KLF12: variants seen among roughly 807,000 people sequenced by gnomAD.
KLF12 encodes the protein KLF transcription factor 12.
Under a neutral mutation model 37.8 loss-of-function variants are expected in KLF12, and 9 were observed. The ratio of observed to expected loss-of-function variants is 0.24; its 90% CI spans 0.14 to 0.42. The LOEUF (loss-of-function observed/expected upper bound fraction) is 0.42, where lower values mean the gene tolerates loss of function less well. KLF12 is among the 10% of genes least tolerant of loss of function. The probability of loss-of-function intolerance (pLI) is 1.00; values close to 1 mark genes in which losing one functional copy is unlikely to be tolerated. For missense variants in KLF12, 411 were observed against 516.0 expected (o/e 0.80, Z 1.97); for synonymous variants, 208 against 202.1 (o/e 1.03, Z -0.25).
intron 1 of KLF12, among the ~76,000 whole-genome samples, chr13:74,017,258 TAAAAAAAAAAAAAAAAAAAAAAA>T (rs56321692): frequency 2.2e-5 from 1 of 45,590 alleles, no homozygotes; most frequent in Non-Finnish European, 3.9e-5. Context: ...GCCCTCAACC[TAAAAAAAAAAAAAAAAAAAAAAA>T]AAAAAAAAAG....
At chr13:73,744,259 C>T (rs371271066) in intron 6 of KLF12, among the ~76,000 whole-genome samples, 2 of 152,258 alleles carry the variant, frequency 1.3e-5, no homozygotes, top group East Asian at 3.9e-4. Flanking sequence ...AGGGCTGTTG[C>T]AAAGTGGCTT....
At chr13:74,006,179 C>G (rs372347556) in intron 1 of KLF12, among the ~76,000 whole-genome samples, 26 of 152,200 alleles carry the variant, frequency 1.7e-4, no homozygotes, top group Non-Finnish European at 3.2e-4. Context: ...GCCATGGTCT[C>G]TTTGATCACT....
chr13:74,106,020 T>C (rs1876631496), intron 1 of KLF12, among the ~76,000 whole-genome samples: 2 of 152,336 alleles, frequency 1.3e-5, no homozygotes, highest in Admixed American at 1.3e-4. Context: ...ACCAACTTAA[T>C]TGAGCCCTTC....
At chr13:74,096,524 G>A (rs1807375426) in intron 1 of KLF12, among the ~76,000 whole-genome samples, 1 of 152,194 alleles carries the variant, frequency 6.6e-6, no homozygotes, top group African/African-American at 2.4e-5. Flanking sequence ...AATTACGTAA[G>A]TTGATCTCTT....
At chr13:74,198,055 G>T in the KLF12 span, among the ~76,000 whole-genome samples, 4 of 151,880 alleles carry the variant, frequency 2.6e-5, no homozygotes, top group African/African-American at 7.3e-5. Context: ...AGGAAAGAAA[G>T]AAAACAATGA....
At chr13:73,745,364 T>C (rs572317491) in intron 6 of KLF12, among the ~76,000 whole-genome samples, 5 of 152,288 alleles carry the variant, frequency 3.3e-5, no homozygotes, top group African/African-American at 1.2e-4. Context: ...AGCTCAGAAG[T>C]AGGCTCTGGT....
At chr13:74,091,803 G>T (rs1447580385) in intron 1 of KLF12, among the ~76,000 whole-genome samples, 1 of 152,048 alleles carries the variant, frequency 6.6e-6, no homozygotes, top group African/African-American at 2.4e-5. Context: ...GAATCCTAAT[G>T]TACACTATTT....
intron 3 of KLF12, among the ~76,000 whole-genome samples, chr13:73,908,842 G>T (rs890957252): frequency 2.6e-5 from 4 of 152,172 alleles, no homozygotes; most frequent in African/African-American, 9.6e-5. Flanking sequence ...TATGCTATCT[G>T]CCCCACTCCT....
At chr13:73,931,326 T>C (rs779041868) in intron 3 of KLF12, among the ~76,000 whole-genome samples, 1 of 152,194 alleles carries the variant, frequency 6.6e-6, no homozygotes, top group Admixed American at 6.5e-5. Flanking sequence ...ATACATTTTA[T>C]TATACCTGAA....
chr13:73,978,004 A>C (rs182673160), intron 2 of KLF12, among the ~76,000 whole-genome samples: 1 of 151,890 alleles, frequency 6.6e-6, no homozygotes, highest in Non-Finnish European at 1.5e-5. Context: ...GTAAAATGTA[A>C]AACTCTAAAA....
intron 4 of KLF12, 98 bp from the exon 5 acceptor site, chr13:73,813,385 T>C (rs1181630661): frequency 3.1e-6 from 4 of 1,309,600 alleles, no homozygotes; most frequent in African/African-American, 2.9e-5. Flanking sequence ...GTGCATATCA[T>C]GCAAATGGAA....
At chr13:74,068,497 T>C (rs1336054088) in intron 1 of KLF12, among the ~76,000 whole-genome samples, 1 of 152,050 alleles carries the variant, frequency 6.6e-6, no homozygotes, top group African/African-American at 2.4e-5. Context: ...GTGTGGATCC[T>C]ACATCCAAAG....
At chr13:73,919,093 A>AAC (rs1888993259) in intron 3 of KLF12, among the ~76,000 whole-genome samples, 1 of 152,166 alleles carries the variant, frequency 6.6e-6, no homozygotes, top group Non-Finnish European at 1.5e-5. Flanking sequence ...GAGAACTTGT[A>AAC]ACTACCCAGG....
At chr13:73,894,460 C>G (rs909581748) in intron 3 of KLF12, among the ~76,000 whole-genome samples, 1 of 152,128 alleles carries the variant, frequency 6.6e-6, no homozygotes, top group East Asian at 1.9e-4. Flanking sequence ...AATTTCTCTC[C>G]AGGTAATTCA....
chr13:74,283,873 T>TTC, the KLF12 span, among the ~76,000 whole-genome samples: 15 of 150,942 alleles, frequency 9.9e-5, no homozygotes, highest in African/African-American at 2.7e-4. Context: ...TTTTTTTTTT[T>TTC]CCCCAAGATA....
chr13:74,005,564 T>G (rs1892389290), intron 1 of KLF12, among the ~76,000 whole-genome samples: 1 of 152,072 alleles, frequency 6.6e-6, no homozygotes, highest in African/African-American at 2.4e-5. Flanking sequence ...GAAGCCAGGA[T>G]GGAGGATTAA....
chr13:73,787,997 T>C (rs1881457974), intron 5 of KLF12, among the ~76,000 whole-genome samples: 1 of 152,088 alleles, frequency 6.6e-6, no homozygotes, highest in Admixed American at 6.6e-5. Context: ...AATAAAAGTA[T>C]TTTAGGTAAT....
intron 2 of KLF12, chr13:73,962,053 C>T: frequency 2.2e-6 from 1 of 452,670 alleles, no homozygotes; most frequent in African/African-American, 2.0e-5. Flanking sequence ...ATTCATAATC[C>T]CCAAGGCTTG....
At chr13:73,737,061 A>C (rs370876221) in intron 6 of KLF12, among the ~76,000 whole-genome samples, 2 of 152,092 alleles carry the variant, frequency 1.3e-5, no homozygotes, top group African/African-American at 4.8e-5. Flanking sequence ...CCTACTTTCC[A>C]ATCTGTGCAA....
Sources: gnomAD v4.1 joint callset for allele counts (sites outside exome capture counted in the v4.1 genomes callset) on GRCh38, gnomAD v4.1.1 for gene constraint, MANE v1.5 for transcripts, NCBI Gene and HGNC (gene_info 2026-07-23, HGNC 2026-07-21) for gene names.